SDR42E1: variants seen among roughly 807,000 people sequenced by gnomAD.
The protein encoded by SDR42E1 is short-chain dehydrogenase/reductase family 42E member 1.
In SDR42E1, 5 loss-of-function variants were observed where a neutral mutation model predicts 2.6. The ratio of observed to expected loss-of-function variants is 1.94; its 90% CI spans 1.01 to 4.08. SDR42E1 has a LOEUF of 4.08. SDR42E1 is among the 30% of genes most tolerant of loss of function. The pLI, the probability that SDR42E1 is intolerant of heterozygous loss-of-function variation, is 0.00. For synonymous variants in SDR42E1, 231 were observed against 188.3 expected, an observed-to-expected ratio of 1.23 and a Z score of -1.86; for missense variants, 596 against 478.6, an observed-to-expected ratio of 1.25 and a Z score of -2.29.
Position 81,998,952 on chromosome 16 carries a change from A to G in SDR42E1, c.*159T>C. On this transcript the variant is annotated 3_prime_UTR_variant, in exon 3 of 3. Coordinates refer to ENST00000328945, the MANE Select transcript of SDR42E1 (RefSeq NM_145168.3). ...TTTTCATTCCCATCTGGATTAGTGC[A>G]AGGAAATAAGACATAAAGATTCAAT... The G allele has an allele frequency of 4.1e-6, 3 of 736,608 alleles. No individual in the cohort carries two copies. The highest frequency in any genetic ancestry group is 3.9e-5 in the South Asian group (2 of 51,148). 45.6% of individuals were successfully genotyped at this position (736,608 alleles called of 1,614,324 possible). A position where few individuals can be genotyped will look rare whatever the true frequency, so the allele number is the denominator to read the frequency against.
intron 1 of SDR42E1, among the ~76,000 whole-genome samples, chr16:82,001,961 T>TACACACAC (rs375862551): frequency 0.017 from 2,326 of 137,238 alleles, 75 homozygotes; most frequent in African/African-American, 0.059. Flanking sequence ...TGGGTGCGTA[T>TACACACAC]ACACACACAC....
Position 82,000,136 on chromosome 16 carries a change from A to G in SDR42E1, c.157T>C (p.Phe53Leu). The change falls in exon 3 of 3, where the codon TTT (phenylalanine) becomes CTT (leucine). Residue 53 changes from phenylalanine (F) to leucine (L), a missense_variant. Phe to Leu is a conservative substitution (Grantham distance 22). Transcript: ENST00000328945. ...PAQTIPEGIKFIQGDIRHLSD... is the reference protein window; with the variant it reads ...PAQTIPEGIKLIQGDIRHLSD... ...AGGTGGCGGATGTCTCCTTGTATAA[A>G]CTTGATTCCTTCTGGAATGGTTTGA... The G allele has an allele frequency of 6.2e-7, 1 of 1,614,184 alleles. No individual in the cohort carries two copies. Among genetic ancestry groups the G allele is most frequent in the Non-Finnish European group, 8.5e-7 (1 of 1,180,018 alleles).
rs1912404983 is a variant in SDR42E1, at chr16:81,990,624, T to G, written c.*8487A>C. On this transcript the variant is annotated 3_prime_UTR_variant, in exon 3 of 3. Transcript: ENST00000328945. ...TCTGTGCCATTAAATCCATACAAGT[T>G]CCCCCAAGAGATAAGCAGGGAATGT... 6.6e-6 allele frequency: 1 copy of G among 152,112 alleles called. No individual in the cohort carries two copies. The allele number at this position is 152,112 out of a possible 1,614,324, so 9.4% of individuals were successfully genotyped here.
At position 81,991,616 on chromosome 16, in the gene SDR42E1, T is replaced by G. The variant is rs34464650; in HGVS notation, c.*7495A>C. 0.019 allele frequency: 2,892 copies of G among 149,994 alleles called. 46 individuals are homozygous for G. The highest frequency in any genetic ancestry group is 0.031 in the Non-Finnish European group (2,104 of 67,812). 9.3% of individuals were successfully genotyped at this position (149,994 alleles called of 1,614,324 possible). A position where few individuals can be genotyped will look rare whatever the true frequency, so the allele number is the denominator to read the frequency against. Reference sequence around the variant, plus strand: ...GTCCCAGTTACTTGGGAGGCTGAGGTAGGACAATCATTTGAGCCCAGGAGT... The same window carrying G: ...GTCCCAGTTACTTGGGAGGCTGAGGGAGGACAATCATTTGAGCCCAGGAGT... On this transcript the variant is annotated 3_prime_UTR_variant, in exon 3 of 3. Coordinates refer to ENST00000328945, the MANE Select transcript of SDR42E1 (RefSeq NM_145168.3).
rs373444132 is a variant in SDR42E1, at chr16:81,999,695, T to C, written c.598A>G (p.Ile200Val). ...AGACCCTTCTCGATGTAGCTGACTA[T>C]CCTGGGAAGGTGTCTTTGTTCTCCA... is the stretch of plus-strand genomic sequence containing the variant. ...GPGEQRHLPRIVSYIEKGLFK... is the reference protein window; with the variant it reads ...GPGEQRHLPRVVSYIEKGLFK... The change falls in exon 3 of 3, where the codon ATA becomes GTA. Residue 200 changes from isoleucine (I) to valine (V), a missense_variant. Transcript: ENST00000328945. The C allele has an allele frequency of 9.3e-6, 15 of 1,614,098 alleles. No homozygotes were observed. In the African/African-American group the frequency reaches 1.6e-4, roughly 17 times the overall value.
In SDR42E1 at chr16:81,999,156, T is replaced by C. The variant is rs1009933787; in HGVS notation, c.1137A>G (p.Ile379Met). The C allele has an allele frequency of 1.9e-6, 3 of 1,614,050 alleles. No individual in the cohort carries two copies. The highest frequency in any genetic ancestry group is 2.5e-6 in the Non-Finnish European group (3 of 1,180,048). Residue 379 changes from isoleucine to methionine, a missense_variant, in exon 3 of 3, where the codon ATA becomes ATG. Ile to Met is a conservative substitution (Grantham distance 10). Coordinates refer to ENST00000328945, the MANE Select transcript of SDR42E1 (RefSeq NM_145168.3). The stretch of plus-strand genomic sequence containing the variant: ...AAGAAGGCAGCCACATGAGAACTGC[T>C]ATAATCAGGAGGAAGACCAATAGCC... Reference protein sequence around the residue: ...WDGLLVFLLIIAVLMWLPSSV... With the variant: ...WDGLLVFLLIMAVLMWLPSSV...
At position 81,991,444 on chromosome 16, in the gene SDR42E1, C is replaced by A. The variant is rs1305497866; in HGVS notation, c.*7667G>T. On this transcript the variant is annotated 3_prime_UTR_variant, in exon 3 of 3. Transcript: ENST00000328945. Reference sequence around the variant, plus strand: ...ACAAGGTAAGAGTTTGGGCCAGGCTCGGTGGCTCATACCTGTAATCCCAGC... The same window carrying A: ...ACAAGGTAAGAGTTTGGGCCAGGCTAGGTGGCTCATACCTGTAATCCCAGC... 6.6e-6 allele frequency: 1 copy of A among 152,096 alleles called. No homozygotes were observed. The allele number at this position is 152,096 out of a possible 1,614,324, so 9.4% of individuals were successfully genotyped here.
At chr16:82,008,988 G>A (rs1913038924) in intron 1 of SDR42E1, among the ~76,000 whole-genome samples, 1 of 152,180 alleles carries the variant, frequency 6.6e-6, no homozygotes, top group South Asian at 2.1e-4. Flanking sequence ...GGCTAAAACG[G>A]GCCAAGGTAC....
rs74029335 is a variant in SDR42E1, at chr16:82,001,268, C to A, written c.-26-384G>T. On this transcript the variant is annotated intron_variant, in intron 1 of 2. Coordinates refer to ENST00000328945, the MANE Select transcript of SDR42E1 (RefSeq NM_145168.3). ...ATTTGGTAGGAAGAGGCATTTCCCC[C>A]CCATGCATCAGAAAATTAGAGAGCA... 4.4e-3 allele frequency among the ~76,000 whole-genome samples: 674 copies of A among 152,258 alleles called. 5 individuals are homozygous for A. Among genetic ancestry groups the A allele is most frequent in the African/African-American group, 0.015 (633 of 41,552 alleles).
At position 81,994,640 on chromosome 16, in the gene SDR42E1, A is replaced by T. The variant is rs1289931779; in HGVS notation, c.*4471T>A. 6.6e-6 allele frequency: 1 copy of T among 152,230 alleles called. No homozygotes were observed. Among genetic ancestry groups the T allele is most frequent in the African/African-American group, 2.4e-5 (1 of 41,454 alleles). 9.4% of individuals were successfully genotyped at this position (152,230 alleles called of 1,614,324 possible). A position where few individuals can be genotyped will look rare whatever the true frequency, so the allele number is the denominator to read the frequency against. On this transcript the variant is annotated 3_prime_UTR_variant, in exon 3 of 3. Coordinates refer to ENST00000328945, the MANE Select transcript of SDR42E1 (RefSeq NM_145168.3). ...GCAAGAGATGCTGGTGAAGATTTTAATAACATTGCTGGTGCTGGCTTCCAA... is the reference window on the plus strand; with the variant it reads ...GCAAGAGATGCTGGTGAAGATTTTATTAACATTGCTGGTGCTGGCTTCCAA...
At chr16:82,009,471 G>A (rs1170099878) in intron 1 of SDR42E1, among the ~76,000 whole-genome samples, 2 of 152,236 alleles carry the variant, frequency 1.3e-5, no homozygotes, top group Non-Finnish European at 2.9e-5. Context: ...CTGGATATGG[G>A]ACACGGAGTC....
intron 1 of SDR42E1, among the ~76,000 whole-genome samples, chr16:82,001,884 A>G (rs1366493644): frequency 6.8e-6 from 1 of 147,684 alleles, no homozygotes; most frequent in African/African-American, 2.6e-5. Flanking sequence ...CCTGGGCGAC[A>G]GAGCAAGACT....
In SDR42E1 at chr16:81,999,737, C is replaced by T. The variant is rs760207708; in HGVS notation, c.556G>A (p.Ala186Thr). The T allele has an allele frequency of 4.3e-6, 7 of 1,614,212 alleles. No individual in the cohort carries two copies. Among genetic ancestry groups the T allele is most frequent in the Non-Finnish European group, 5.9e-6 (7 of 1,180,026 alleles). The change falls in exon 3 of 3, where the codon GCT (alanine) becomes ACT (threonine). Residue 186 changes from alanine to threonine, a missense_variant. Coordinates refer to ENST00000328945, the MANE Select transcript of SDR42E1 (RefSeq NM_145168.3). The stretch of plus-strand genomic sequence containing the variant: ...TGTTCTCCAGGCCCATAGATGCCAG[C>T]TGGCCTCAGAGCGCAGGTTCTTAAG... ...GVLRTCALRP[A>T]GIYGPGEQRH...
Position 81,991,835 on chromosome 16 carries a change from T to C in SDR42E1, c.*7276A>G, listed in dbSNP as rs1227221295. The C allele has an allele frequency of 6.6e-6, 1 of 152,168 alleles. No homozygotes were observed. 9.4% of individuals were successfully genotyped at this position (152,168 alleles called of 1,614,324 possible). On this transcript the variant is annotated 3_prime_UTR_variant, in exon 3 of 3. Transcript: ENST00000328945. ...GTACTGCATCTCCCTAAGCCTCAGT[T>C]TCCTCCCATGTAAACTGGAGATAAT... is the stretch of plus-strand genomic sequence containing the variant.
rs1364327059 is a variant in SDR42E1, at chr16:81,989,534, G to C, written c.*9577C>G. 1 of 152,180 alleles carries C rather than the reference G, an allele frequency of 6.6e-6. No homozygotes were observed. Among genetic ancestry groups the C allele is most frequent in the Non-Finnish European group, 1.5e-5 (1 of 68,040 alleles). The allele number at this position is 152,180 out of a possible 1,614,324, so 9.4% of individuals were successfully genotyped here. Reference sequence around the variant, plus strand: ...ATAAAAGCTTGATGATTTTGGGTTGGCTTTCTAGCCCCACAATTTAAAACC... The same window carrying C: ...ATAAAAGCTTGATGATTTTGGGTTGCCTTTCTAGCCCCACAATTTAAAACC... On this transcript the variant is annotated 3_prime_UTR_variant, in exon 3 of 3. Transcript: ENST00000328945.
chr16:81,999,477 G>T lies in SDR42E1; in HGVS notation c.816C>A (p.Gly272=). Reference sequence around the variant, plus strand: ...GGGTAGACGGGAATGTGTAGCCCAGGCCCTCAACCAGAGGCCGGAAGAACT... The same window carrying T: ...GGGTAGACGGGAATGTGTAGCCCAGTCCCTCAACCAGAGGCCGGAAGAACT... ...NFEFFRPLVE[G]LGYTFPSTRL... The change falls in exon 3 of 3, where the codon GGC becomes GGA. Residue 272 remains glycine, a synonymous_variant. Coordinates refer to ENST00000328945, the MANE Select transcript of SDR42E1 (RefSeq NM_145168.3). The T allele has an allele frequency of 1.2e-6, 2 of 1,614,162 alleles. No individual in the cohort carries two copies. The highest frequency in any genetic ancestry group is 1.7e-6 in the Non-Finnish European group (2 of 1,180,028).
chr16:82,000,167 G>A lies in SDR42E1; in HGVS notation c.126C>T (p.Ser42=), dbSNP rs777088226. 6.2e-7 allele frequency: 1 copy of A among 1,612,566 alleles called. No homozygotes were observed. Among genetic ancestry groups the A allele is most frequent in the Non-Finnish European group, 8.5e-7 (1 of 1,179,062 alleles). The change falls in exon 3 of 3, where the codon AGC becomes AGT. Residue 42 remains serine, a synonymous_variant. Coordinates refer to ENST00000328945, the MANE Select transcript of SDR42E1 (RefSeq NM_145168.3). ...TTCCTTCTGGAATGGTTTGAGCAGGGCTGCTGATGTCAAACAGAATCACAT... is the reference window on the plus strand; with the variant it reads ...TTCCTTCTGGAATGGTTTGAGCAGGACTGCTGATGTCAAACAGAATCACAT... ...GVHVILFDIS[S]PAQTIPEGIK...
rs1286066440 is a variant in SDR42E1, at chr16:82,001,959, T to C, written c.-26-1075A>G. Reference sequence around the variant, plus strand: ...CAGGTCCTCAAAGGCACTGGGTGCGTATACACACACACACACACACACACA... The same window carrying C: ...CAGGTCCTCAAAGGCACTGGGTGCGCATACACACACACACACACACACACA... On this transcript the variant is annotated intron_variant, in intron 1 of 2. Transcript: ENST00000328945. Among the ~76,000 whole-genome samples the C allele has an allele frequency of 5.3e-5, 7 of 131,128 alleles. 1 individual carries two copies. Among genetic ancestry groups the C allele is most frequent in the African/African-American group, 2.8e-4 (7 of 25,376 alleles). The allele number at this position is 131,128 out of a possible 152,430, so 86.0% of individuals were successfully genotyped here.
chr16:82,008,295 C>T lies in SDR42E1; in HGVS notation c.-27+3092G>A, dbSNP rs532465125. The stretch of plus-strand genomic sequence containing the variant: ...AGAATGGACTAATACAGTAAATTGG[C>T]ACTGGGTAGTGGGGTGCTACTGTAA... On this transcript the variant is annotated intron_variant, in intron 1 of 2. Transcript: ENST00000328945. Among the ~76,000 whole-genome samples the T allele has an allele frequency of 2.0e-4, 30 of 152,284 alleles. No homozygotes were observed. In the East Asian group the frequency reaches 5.8e-3, roughly 29 times the overall value.
Sources: gnomAD v4.1 joint callset for allele counts (sites outside exome capture counted in the v4.1 genomes callset) on GRCh38, gnomAD v4.1.1 for gene constraint, MANE v1.5 for transcripts, NCBI Gene and HGNC (gene_info 2026-07-23, HGNC 2026-07-21) for gene names.